The following SFT2D1 variants were observed in gnomAD, a reference collection of about 807,000 sequenced individuals.
SFT2D1 encodes SFT2 domain containing 1.
In SFT2D1, 24 loss-of-function variants were observed where a neutral mutation model predicts 28.1. The observed-to-expected ratio is 0.85, with a 90% CI of 0.62 to 1.20. The LOEUF (loss-of-function observed/expected upper bound fraction) is 1.20, where lower values mean the gene tolerates loss of function less well. SFT2D1 is among the 50% of genes most tolerant of loss of function. The pLI is 0.00. For synonymous variants in SFT2D1, 82 were observed against 73.7 expected (o/e 1.11, Z -0.58); for missense variants, 181 against 190.9 (o/e 0.95, Z 0.31).
At chr6:166,334,149 C>A (rs1778601892) in intron 1 of SFT2D1, among the ~76,000 whole-genome samples, 2 of 152,264 alleles carry the variant, frequency 1.3e-5, no homozygotes, top group Admixed American at 1.3e-4. Context: ...ACTTCACCTT[C>A]CAGCCTCTGT....
intron 1 of SFT2D1, 63 bp from the exon 2 acceptor site, chr6:166,330,310 AC>A: frequency 8.7e-7 from 1 of 1,153,764 alleles, no homozygotes; most frequent in East Asian, 2.6e-5. Flanking sequence ...GATTCTTTAT[AC>A]TAAATTAAAG....
At position 166,324,568 on chromosome 6, in the gene SFT2D1, A is replaced by G; in HGVS notation, c.379T>C (p.Phe127Leu). Residue 127 changes from phenylalanine to leucine, a missense_variant, in exon 6 of 8, where the codon TTC (phenylalanine) becomes CTC (leucine). Physicochemically the swap from Phe to Leu is conservative, Grantham distance 22. Transcript: ENST00000361731. ...ATTGACAAGAACTGCAATATGCAGA[A>G]TAACACAGCCAGTCCCTTCTTATGC... ...WWHKKGLAVL[F>L]CILQFLSMTW... 1.2e-6 allele frequency: 2 copies of G among 1,613,200 alleles called. No individual in the cohort carries two copies. Among genetic ancestry groups the G allele is most frequent in the Non-Finnish European group, 1.7e-6 (2 of 1,179,912 alleles).
chr6:166,332,980 G>T (rs972034748), intron 1 of SFT2D1, among the ~76,000 whole-genome samples: 30 of 152,176 alleles, frequency 2.0e-4, no homozygotes, highest in African/African-American at 7.2e-4. Flanking sequence ...TCCACGGATC[G>T]CCAGGAGACA....
chr6:166,330,646 T>C (rs1583038316), intron 1 of SFT2D1, among the ~76,000 whole-genome samples: 1 of 151,640 alleles, frequency 6.6e-6, no homozygotes, highest in African/African-American at 2.4e-5. Context: ...AGTACACAGG[T>C]TCATTATCTG....
chr6:166,322,712 GTA>G, intron 7 of SFT2D1, 143 bp downstream of exon 7: 1 of 321,534 alleles, frequency 3.1e-6, no homozygotes, highest in Non-Finnish European at 5.4e-6. Flanking sequence ...AAAAAAAAAA[GTA>G]TGTTTATTTC....
At chr6:166,335,980 TG>T (rs1321062133) in intron 1 of SFT2D1, among the ~76,000 whole-genome samples, 1 of 152,258 alleles carries the variant, frequency 6.6e-6, no homozygotes, top group Non-Finnish European at 1.5e-5. Context: ...TTCTGTTCTG[TG>T]GAAAGTACCA....
rs139810206 is a variant in SFT2D1, at chr6:166,330,218, G to T, written c.93C>A (p.Asn31Lys). 49 of 1,605,554 alleles carry T rather than the reference G, an allele frequency of 3.1e-5. No homozygotes were observed. The African/African-American group carries it at 6.4e-4, about 21-fold the overall frequency. The stretch of plus-strand genomic sequence containing the variant: ...AGATGGCAAACCATTTCAATCTGGT[G>T]TTGAAACTAAGGGATGAGGCATCCA... ...QVLDASSLSF[N>K]TRLKWFAICF... Residue 31 changes from asparagine (N) to lysine (K), a missense_variant, in exon 2 of 8, where the codon AAC becomes AAA. Asn to Lys is a moderately conservative substitution (Grantham distance 94, BLOSUM62 0). Coordinates refer to ENST00000361731, the MANE Select transcript of SFT2D1 (RefSeq NM_145169.3).
chr6:166,332,799 AC>A (rs1158719913), intron 1 of SFT2D1, among the ~76,000 whole-genome samples: 1 of 152,250 alleles, frequency 6.6e-6, no homozygotes, highest in African/African-American at 2.4e-5. Context: ...TAAGCACAGC[AC>A]TGCTTGCAAC....
chr6:166,327,801 A>T (rs1778475581), intron 4 of SFT2D1, among the ~76,000 whole-genome samples: 2 of 151,832 alleles, frequency 1.3e-5, no homozygotes, highest in African/African-American at 4.8e-5. Flanking sequence ...CATAGGATAT[A>T]TTTTTTTTTT....
chr6:166,335,397 T>C, intron 1 of SFT2D1: 3 of 571,864 alleles, frequency 5.2e-6, no homozygotes, highest in Non-Finnish European at 1.0e-5. Context: ...CCTTCAAATT[T>C]TGGACCCATA....
intron 5 of SFT2D1, 127 bp downstream of exon 5, chr6:166,326,005 G>A (rs1778437675): frequency 3.3e-6 from 3 of 921,452 alleles, no homozygotes; most frequent in African/African-American, 3.4e-5. Context: ...CAAATTTTAG[G>A]AACACCTAAT....
intron 3 of SFT2D1, 77 bp downstream of exon 3, chr6:166,329,430 C>T: frequency 2.5e-6 from 3 of 1,217,464 alleles, no homozygotes; most frequent in Non-Finnish European, 3.6e-6. Flanking sequence ...ACATAAACAT[C>T]CTACTGGGAA....
At chr6:166,324,368 C>T (rs941493349) in intron 6 of SFT2D1, 169 bp downstream of exon 6, 12 of 570,438 alleles carry the variant, frequency 2.1e-5, no homozygotes, top group East Asian at 5.9e-5. Context: ...CACTGAGCCA[C>T]GCTGTCAAGT....
At position 166,330,210 on chromosome 6, in the gene SFT2D1, A is replaced by T; in HGVS notation, c.101T>A (p.Leu34Ter). ...TACGAAGCAGATGGCAAACCATTTCAATCTGGTGTTGAAACTAAGGGATGA... is the reference window on the plus strand; with the variant it reads ...TACGAAGCAGATGGCAAACCATTTCTATCTGGTGTTGAAACTAAGGGATGA... The part of the protein sequence containing the change: ...DASSLSFNTR[L>*]KWFAICFVCG... The change falls in exon 2 of 8, where the codon TTG becomes TAG. Residue 34 changes from leucine (L) to a stop codon, truncating the protein, a stop_gained. Coordinates refer to ENST00000361731, the MANE Select transcript of SFT2D1 (RefSeq NM_145169.3). LOFTEE classifies it high-confidence loss of function. The T allele has an allele frequency of 6.2e-7, 1 of 1,607,364 alleles. No individual in the cohort carries two copies. The highest frequency in any genetic ancestry group is 8.5e-7 in the Non-Finnish European group (1 of 1,178,006).
At chr6:166,325,223 T>C (rs1160861227) in intron 5 of SFT2D1, among the ~76,000 whole-genome samples, 1 of 152,118 alleles carries the variant, frequency 6.6e-6, no homozygotes, top group African/African-American at 2.4e-5. Context: ...CATTAAGAAA[T>C]GACACGTAAA....
chr6:166,326,629 G>A (rs1028852845), intron 4 of SFT2D1, among the ~76,000 whole-genome samples: 1 of 152,228 alleles, frequency 6.6e-6, no homozygotes, highest in South Asian at 2.1e-4. Context: ...GAATAAGGTA[G>A]AGTGCATCCG....
intron 1 of SFT2D1, among the ~76,000 whole-genome samples, chr6:166,339,221 A>T (rs192157967): frequency 2.6e-4 from 39 of 152,208 alleles, no homozygotes; most frequent in African/African-American, 8.9e-4. Context: ...TTTAGTCTCC[A>T]GGACCAGGGC....
At chr6:166,341,012 G>C (rs898107842) in intron 1 of SFT2D1, among the ~76,000 whole-genome samples, 1 of 152,154 alleles carries the variant, frequency 6.6e-6, no homozygotes, top group Non-Finnish European at 1.5e-5. Flanking sequence ...CTGTCCAATA[G>C]AACTTTCTGC....
intron 1 of SFT2D1, among the ~76,000 whole-genome samples, chr6:166,341,243 C>A (rs191766997): frequency 7.2e-5 from 11 of 152,042 alleles, no homozygotes; most frequent in African/African-American, 2.7e-4. Context: ...GTCAGGAGTT[C>A]GAGACCAGCC....
Sources: allele counts gnomAD v4.1 joint callset (sites outside exome capture counted in the v4.1 genomes callset), GRCh38; gene constraint gnomAD v4.1.1; transcripts MANE v1.5; gene names NCBI Gene and HGNC (gene_info 2026-07-23, HGNC 2026-07-21).